Variants in OR2A12 observed in about 807,000 individuals in gnomAD.
OR2A12 encodes olfactory receptor family 2 subfamily A member 12, also known as olfactory receptor 2A12.
For missense variants in OR2A12, 380 were observed against 372.5 expected, an observed-to-expected ratio of 1.02 and a Z score of -0.17; for synonymous variants, 153 against 149.3, an observed-to-expected ratio of 1.02 and a Z score of -0.18.
rs764174070 is a variant in OR2A12, at chr7:144,097,648, CAGAT to C, written c.*1612_*1615del. 5 of 152,054 alleles carry C rather than the reference CAGAT, an allele frequency of 3.3e-5. No individual in the cohort carries two copies. The highest frequency in any genetic ancestry group is 5.9e-5 in the Non-Finnish European group (4 of 68,016). 9.4% of individuals were successfully genotyped at this position (152,054 alleles called of 1,614,324 possible). A position where few individuals can be genotyped will look rare whatever the true frequency, so the allele number is the denominator to read the frequency against. ...AACAGAACAGTGTGGTATTTATACA[CAGAT>C]AGACCAAAAAACAAACAGAATAGAA... is the stretch of plus-strand genomic sequence containing the variant. On this transcript the variant is annotated 3_prime_UTR_variant, in exon 2 of 2. Transcript: ENST00000641592.
rs1306340777 is a variant in OR2A12, at chr7:144,095,722, C to T, written c.615C>T (p.Ile205=). 1.2e-6 allele frequency: 2 copies of T among 1,614,004 alleles called. No homozygotes were observed. Among genetic ancestry groups the T allele is most frequent in the Non-Finnish European group, 1.7e-6 (2 of 1,180,040 alleles). ...QVVLFAGSAF[I]LVGPLCLVLV... ...TCCTATTTGCGGGTTCTGCGTTCATCTTAGTGGGGCCGCTCTGCCTGGTGC... is the reference window on the plus strand; with the variant it reads ...TCCTATTTGCGGGTTCTGCGTTCATTTTAGTGGGGCCGCTCTGCCTGGTGC... Residue 205 remains isoleucine (I), a synonymous_variant, in exon 2 of 2, where the codon ATC becomes ATT. Coordinates refer to ENST00000641592, the MANE Select transcript of OR2A12 (RefSeq NM_001004135.2).
Position 144,097,098 on chromosome 7 carries a change from CTG to C in OR2A12, c.*1060_*1061del, listed in dbSNP as rs2051270596. On this transcript the variant is annotated 3_prime_UTR_variant, in exon 2 of 2. Coordinates refer to ENST00000641592, the MANE Select transcript of OR2A12 (RefSeq NM_001004135.2). ...ACACATTTGAGAAAGAAGAAACAAA[CTG>C]TAATTACATACAAATGACATTACTG... The C allele has an allele frequency of 6.6e-6, 1 of 151,908 alleles. No homozygotes were observed. The highest frequency in any genetic ancestry group is 2.1e-4 in the South Asian group (1 of 4,826). The allele number at this position is 151,908 out of a possible 1,614,324, so 9.4% of individuals were successfully genotyped here.
At position 144,095,136 on chromosome 7, in the gene OR2A12, A is replaced by C. The variant is rs576234914; in HGVS notation, c.29A>C (p.Glu10Ala). The change falls in exon 2 of 2, where the codon GAA becomes GCA. Residue 10 changes from glutamate (E) to alanine (A), a missense_variant. Coordinates refer to ENST00000641592, the MANE Select transcript of OR2A12 (RefSeq NM_001004135.2). MESNQTWITEVILLGFQVDP... is the reference protein window; with the variant it reads MESNQTWITAVILLGFQVDP... Reference sequence around the variant, plus strand: ...GAAAGCAATCAGACCTGGATCACAGAAGTCATCCTGTTGGGATTCCAGGTG... The same window carrying C: ...GAAAGCAATCAGACCTGGATCACAGCAGTCATCCTGTTGGGATTCCAGGTG... The C allele has an allele frequency of 6.2e-7, 1 of 1,611,984 alleles. No homozygotes were observed. The highest frequency in any genetic ancestry group is 1.1e-5 in the South Asian group (1 of 90,684).
At chr7:144,091,979 C>G (rs1438871952) in intron 1 of OR2A12, among the ~76,000 whole-genome samples, 2 of 151,942 alleles carry the variant, frequency 1.3e-5, no homozygotes, top group African/African-American at 4.8e-5. Context: ...GTTTTTATTG[C>G]TTTGGGTTTT....
Position 144,086,497 on chromosome 7 carries a change from T to C in OR2A12, c.-98T>C, listed in dbSNP as rs1053496728. On this transcript the variant is annotated 5_prime_UTR_variant, in exon 1 of 2. Coordinates refer to ENST00000641592, the MANE Select transcript of OR2A12 (RefSeq NM_001004135.2). ...GTTACACTGCTCAGTAGGGAAGACATAGGATGGTGGGAAGACGCTTCATAT... is the reference window on the plus strand; with the variant it reads ...GTTACACTGCTCAGTAGGGAAGACACAGGATGGTGGGAAGACGCTTCATAT... The C allele has an allele frequency of 6.6e-6, 1 of 152,410 alleles. No individual in the cohort carries two copies. The highest frequency in any genetic ancestry group is 1.5e-5 in the Non-Finnish European group (1 of 68,098). 9.4% of individuals were successfully genotyped at this position (152,410 alleles called of 1,614,324 possible). A position where few individuals can be genotyped will look rare whatever the true frequency, so the allele number is the denominator to read the frequency against.
intron 1 of OR2A12, among the ~76,000 whole-genome samples, chr7:144,091,162 A>C (rs1477150088): frequency 2.0e-5 from 3 of 152,226 alleles, no homozygotes. Context: ...AGGCCAAGGC[A>C]GGCGGATCAT....
rs760320382 is a variant in OR2A12, at chr7:144,095,830, C to T, written c.723C>T (p.Ser241=). ...GCAGAAAGGCCTTCTCTACCTGCTC[C>T]TCCCACCTCTGCGTGGTGGGGCTTT... ...EGRRKAFSTC[S]SHLCVVGLFF... The change falls in exon 2 of 2, where the codon TCC becomes TCT. Residue 241 remains serine, a synonymous_variant. Transcript: ENST00000641592. The T allele has an allele frequency of 6.2e-7, 1 of 1,614,162 alleles. No homozygotes were observed. The highest frequency in any genetic ancestry group is 1.1e-5 in the South Asian group (1 of 91,078).
rs2051266883 is a variant in OR2A12, at chr7:144,096,625, C to T, written c.*585C>T. ...GAAAATATTAATGAAACAAGTCCAT[C>T]AGAATGAAGTAAGGATGTATTATAA... On this transcript the variant is annotated 3_prime_UTR_variant, in exon 2 of 2. Coordinates refer to ENST00000641592, the MANE Select transcript of OR2A12 (RefSeq NM_001004135.2). 6.6e-6 allele frequency: 1 copy of T among 152,090 alleles called. No individual in the cohort carries two copies. Among genetic ancestry groups the T allele is most frequent in the Non-Finnish European group, 1.5e-5 (1 of 68,086 alleles). 9.4% of individuals were successfully genotyped at this position (152,090 alleles called of 1,614,324 possible).
intron 1 of OR2A12, among the ~76,000 whole-genome samples, chr7:144,087,217 G>T (rs1475019414): frequency 1.3e-5 from 2 of 152,096 alleles, no homozygotes; most frequent in East Asian, 3.9e-4. Flanking sequence ...ATACCCTCCA[G>T]CCAGCAAAGT....
At chr7:144,092,033 G>A (rs1013172471) in intron 1 of OR2A12, among the ~76,000 whole-genome samples, 1 of 152,102 alleles carries the variant, frequency 6.6e-6, no homozygotes, top group Non-Finnish European at 1.5e-5. Context: ...TTTGCATATG[G>A]TGTAAGGAAG....
intron 1 of OR2A12, among the ~76,000 whole-genome samples, chr7:144,093,557 A>C (rs1207854388): frequency 6.6e-6 from 1 of 151,622 alleles, no homozygotes; most frequent in Non-Finnish European, 1.5e-5. Flanking sequence ...ATACATGTGC[A>C]ATGTTGGTGT....
chr7:144,093,922 G>A (rs2051243564), intron 1 of OR2A12, among the ~76,000 whole-genome samples: 1 of 151,858 alleles, frequency 6.6e-6, no homozygotes, highest in Admixed American at 6.6e-5. Flanking sequence ...ATTGTGAATA[G>A]TGCCGCAATA....
At chr7:144,094,778 T>C (rs2128803000) in intron 1 of OR2A12, among the ~76,000 whole-genome samples, 1 of 152,344 alleles carries the variant, frequency 6.6e-6, no homozygotes, top group South Asian at 2.1e-4. Context: ...CTCTATCTAT[T>C]GCCTCATTAG....
rs2051261739 is a variant in OR2A12, at chr7:144,095,949, A to T, written c.842A>T (p.Asn281Ile). ...KILSLFYSLF[N>I]PILNPLIYSL... ...CTTTCCCTGTTTTACAGCCTTTTCA[A>T]CCCGATCCTGAACCCCCTCATCTAC... is the stretch of plus-strand genomic sequence containing the variant. The change falls in exon 2 of 2, where the codon AAC becomes ATC. Residue 281 changes from asparagine to isoleucine, a missense_variant. Asn to Ile is a moderately radical substitution (Grantham distance 149). Coordinates refer to ENST00000641592, the MANE Select transcript of OR2A12 (RefSeq NM_001004135.2). 6.2e-7 allele frequency: 1 copy of T among 1,613,816 alleles called. No homozygotes were observed.
chr7:144,095,477 G>A lies in OR2A12; in HGVS notation c.370G>A (p.Ala124Thr), dbSNP rs1229707956. ...LVMMCYDRYV[A>T]ICHPLQYTLI... The stretch of plus-strand genomic sequence containing the variant: ...GATGATGTGCTATGATCGGTATGTG[G>A]CAATCTGTCACCCCTTGCAATACAC... The change falls in exon 2 of 2, where the codon GCA (alanine) becomes ACA (threonine). Residue 124 changes from alanine (A) to threonine (T), a missense_variant. Coordinates refer to ENST00000641592, the MANE Select transcript of OR2A12 (RefSeq NM_001004135.2). 3.1e-6 allele frequency: 5 copies of A among 1,613,668 alleles called. No individual in the cohort carries two copies. Among genetic ancestry groups the A allele is most frequent in the Non-Finnish European group, 4.2e-6 (5 of 1,179,718 alleles).
chr7:144,088,136 C>T (rs2051200070), intron 1 of OR2A12, among the ~76,000 whole-genome samples: 2 of 152,172 alleles, frequency 1.3e-5, no homozygotes, highest in Admixed American at 1.3e-4. Flanking sequence ...CTCAGCCTCC[C>T]GAATAGCTGG....
chr7:144,093,657 G>C (rs2051241600), intron 1 of OR2A12, among the ~76,000 whole-genome samples: 2 of 134,310 alleles, frequency 1.5e-5, no homozygotes, highest in South Asian at 5.0e-4. Context: ...GCCCCAGTGT[G>C]TGATGTTCCC....
At chr7:144,089,155 A>C (rs2051211001) in intron 1 of OR2A12, among the ~76,000 whole-genome samples, 1 of 152,152 alleles carries the variant, frequency 6.6e-6, no homozygotes, top group South Asian at 2.1e-4. Flanking sequence ...ATAGGGCATA[A>C]ATTCTGAATT....
In OR2A12 at chr7:144,096,930, C is replaced by A. The variant is rs9655673; in HGVS notation, c.*890C>A. The A allele has an allele frequency of 1.5e-3, 231 of 152,130 alleles. 3 individuals carry two copies. Among genetic ancestry groups the A allele is most frequent in the African/African-American group, 5.3e-3 (222 of 41,518 alleles). The allele number at this position is 152,130 out of a possible 1,614,324, so 9.4% of individuals were successfully genotyped here. ...CATCTGTCCTTTTCGGGTAAAGAAT[C>A]AGACACAAAAAAAATCACTTGTTTT... On this transcript the variant is annotated 3_prime_UTR_variant, in exon 2 of 2. Coordinates refer to ENST00000641592, the MANE Select transcript of OR2A12 (RefSeq NM_001004135.2).
Sources: gnomAD v4.1 joint callset for allele counts (sites outside exome capture counted in the v4.1 genomes callset) on GRCh38, gnomAD v4.1.1 for gene constraint, MANE v1.5 for transcripts, NCBI Gene and HGNC (gene_info 2026-07-23, HGNC 2026-07-21) for gene names.